Variants in EYA2 observed in about 807,000 individuals in gnomAD.
EYA2 encodes EYA transcriptional coactivator and phosphatase 2, also known as protein phosphatase EYA2.
A neutral mutation model predicts 69.2 loss-of-function variants in EYA2; 31 were observed. That is an observed-to-expected ratio of 0.45 (90% CI 0.34 to 0.60). EYA2 has a LOEUF of 0.60. Among genes scored for constraint, EYA2 ranks in the 20% least tolerant of loss-of-function variants. The probability of loss-of-function intolerance (pLI) is 0.02; values close to 1 mark genes in which losing one functional copy is unlikely to be tolerated. For missense variants in EYA2, 622 were observed against 701.2 expected (o/e 0.89, Z 1.28); for synonymous variants, 257 against 279.4 (o/e 0.92, Z 0.80).
At chr20:46,984,959 C>T (rs1981088772) in intron 1 of EYA2, among the ~76,000 whole-genome samples, 1 of 152,222 alleles carries the variant, frequency 6.6e-6, no homozygotes, top group Non-Finnish European at 1.5e-5. Flanking sequence ...GTAACATACA[C>T]ATGTTTAAAT....
chr20:46,922,754 G>T lies in EYA2; in HGVS notation c.-11+27767G>T, dbSNP rs138710513. Among the ~76,000 whole-genome samples the T allele has an allele frequency of 1.2e-3, 175 of 152,170 alleles. 1 individual carries two copies. Among genetic ancestry groups the T allele is most frequent in the Non-Finnish European group, 2.3e-3 (155 of 68,012 alleles). ...ATCAATAGATGCTGAATTTGGGGTGGGGATGTTGATAAGGAGTAGCATTTT... is the reference window on the plus strand; with the variant it reads ...ATCAATAGATGCTGAATTTGGGGTGTGGATGTTGATAAGGAGTAGCATTTT... On this transcript the variant is annotated intron_variant, in intron 1 of 15. Transcript: ENST00000327619.
At chr20:47,071,686 G>A (rs543886880) in intron 5 of EYA2, among the ~76,000 whole-genome samples, 9 of 152,092 alleles carry the variant, frequency 5.9e-5, no homozygotes, top group East Asian at 3.9e-4. Context: ...AAAGGACACC[G>A]TTTATTTTCT....
At chr20:47,017,931 G>A (rs1220707139) in intron 5 of EYA2, among the ~76,000 whole-genome samples, 1 of 152,208 alleles carries the variant, frequency 6.6e-6, no homozygotes, top group Admixed American at 6.5e-5. Flanking sequence ...CAGCCTCACT[G>A]CAAAGCCCAT....
intron 7 of EYA2, among the ~76,000 whole-genome samples, chr20:47,081,490 A>G (rs1043976637): frequency 6.6e-6 from 1 of 152,136 alleles, no homozygotes; most frequent in Non-Finnish European, 1.5e-5. Context: ...GAAAATTGAA[A>G]TAAAAAGGCC....
chr20:47,055,789 A>G (rs1401014885), intron 5 of EYA2, among the ~76,000 whole-genome samples: 2 of 152,178 alleles, frequency 1.3e-5, no homozygotes, highest in African/African-American at 2.4e-5. Context: ...TTTAACTGAA[A>G]TCAACAAACA....
At chr20:47,059,929 A>G (rs998608493) in intron 5 of EYA2, among the ~76,000 whole-genome samples, 1 of 152,232 alleles carries the variant, frequency 6.6e-6, no homozygotes, top group Non-Finnish European at 1.5e-5. Flanking sequence ...TTCCTAGAGC[A>G]GAGATCACAA....
chr20:47,025,395 A>C (rs1398692590), intron 5 of EYA2, among the ~76,000 whole-genome samples: 1 of 152,190 alleles, frequency 6.6e-6, no homozygotes, highest in Non-Finnish European at 1.5e-5. Flanking sequence ...ACTTGTCTAT[A>C]TTCTTTTCAC....
At chr20:47,103,962 T>G (rs1255103014) in intron 9 of EYA2, among the ~76,000 whole-genome samples, 1 of 152,122 alleles carries the variant, frequency 6.6e-6, no homozygotes, top group African/African-American at 2.4e-5. Context: ...TGCCTAGGAG[T>G]AGAATTGCTG....
At chr20:47,008,649 C>T (rs1361239285) in intron 4 of EYA2, among the ~76,000 whole-genome samples, 1 of 152,216 alleles carries the variant, frequency 6.6e-6, no homozygotes, top group African/African-American at 2.4e-5. Context: ...ATTTTACTGT[C>T]TCAGTTACTT....
At chr20:47,139,520 C>T (rs2033549856) in intron 9 of EYA2, among the ~76,000 whole-genome samples, 1 of 151,884 alleles carries the variant, frequency 6.6e-6, no homozygotes, top group Admixed American at 6.5e-5. Context: ...ACAACCTCCT[C>T]CTCCTGGGTT....
At chr20:46,993,862 G>A (rs967002839) in intron 2 of EYA2, among the ~76,000 whole-genome samples, 2 of 152,138 alleles carry the variant, frequency 1.3e-5, no homozygotes, top group Admixed American at 6.5e-5. Flanking sequence ...GGTGCCACAT[G>A]GCTACACAGA....
intron 4 of EYA2, among the ~76,000 whole-genome samples, chr20:47,009,213 A>G (rs1440597818): frequency 6.6e-6 from 1 of 152,134 alleles, no homozygotes; most frequent in African/African-American, 2.4e-5. Context: ...ATACACACAC[A>G]CAGAATGTCC....
At position 47,089,198 on chromosome 20, in the gene EYA2, C is replaced by T. The variant is rs759928020; in HGVS notation, c.662-41C>T. On this transcript the variant is annotated intron_variant, in intron 7 of 15. Transcript: ENST00000327619. Reference sequence around the variant, plus strand: ...ATATTTCCCAGGAGGAGACACCCAGCAAAGCTTCTGATTTGTCCACCATTC... The same window carrying T: ...ATATTTCCCAGGAGGAGACACCCAGTAAAGCTTCTGATTTGTCCACCATTC... The T allele has an allele frequency of 6.2e-6, 10 of 1,604,344 alleles. No homozygotes were observed. In the African/African-American group the frequency reaches 9.3e-5, roughly 15 times the overall value.
chr20:47,044,373 G>C (rs995314328), intron 5 of EYA2, among the ~76,000 whole-genome samples: 7 of 152,182 alleles, frequency 4.6e-5, no homozygotes, highest in Non-Finnish European at 1.0e-4. Flanking sequence ...CCAGGCACTA[G>C]AGATGCATCT....
At chr20:46,945,140 G>A (rs146397130) in intron 1 of EYA2, among the ~76,000 whole-genome samples, 12 of 151,908 alleles carry the variant, frequency 7.9e-5, no homozygotes, top group African/African-American at 2.2e-4. Context: ...GTTGCAGTTC[G>A]CAATAGGAAG....
In EYA2 at chr20:47,158,688, A is replaced by G. The variant is rs144288257; in HGVS notation, c.979-10451A>G. Among the ~76,000 whole-genome samples, 19 of 152,138 alleles carry G rather than the reference A, an allele frequency of 1.2e-4. 3 individuals carry two copies. In the East Asian group the frequency reaches 3.7e-3, roughly 30 times the overall value. On this transcript the variant is annotated intron_variant, in intron 10 of 15. Transcript: ENST00000327619. ...TGATTCTAGGGCTGGGCCAAGAACT[A>G]TATGATTATCCCAGAGCATCTTTTA...
intron 10 of EYA2, among the ~76,000 whole-genome samples, chr20:47,151,539 G>A (rs1483520079): frequency 1.3e-5 from 2 of 151,698 alleles, no homozygotes; most frequent in African/African-American, 2.4e-5. Context: ...CCCACGCCAT[G>A]CCCTCTGTAT....
At chr20:46,895,093 G>C (rs1203125821) in intron 1 of EYA2, 106 bp downstream of exon 1, 1 of 152,248 alleles carries the variant, frequency 6.6e-6, no homozygotes, top group Admixed American at 6.5e-5. Context: ...TCTGGCACTC[G>C]CCAAGCGGGG....
intron 5 of EYA2, among the ~76,000 whole-genome samples, chr20:47,071,174 T>C (rs1041253649): frequency 2.0e-5 from 3 of 151,918 alleles, no homozygotes; most frequent in Admixed American, 2.0e-4. Flanking sequence ...CACGCCTGGC[T>C]AATTTTTGTA....
Sources: gnomAD v4.1 joint callset for allele counts (sites outside exome capture counted in the v4.1 genomes callset) on GRCh38, gnomAD v4.1.1 for gene constraint, MANE v1.5 for transcripts, NCBI Gene and HGNC (gene_info 2026-07-23, HGNC 2026-07-21) for gene names.